MEF2D: variants seen among roughly 807,000 people sequenced by gnomAD.
MEF2D encodes myocyte-specific enhancer factor 2D.
Under a neutral mutation model 59.3 loss-of-function variants are expected in MEF2D, and 10 were observed. The ratio of observed to expected loss-of-function variants is 0.17; its 90% CI spans 0.10 to 0.29. The LOEUF (loss-of-function observed/expected upper bound fraction) is 0.29, where lower values mean the gene tolerates loss of function less well. Ranked by LOEUF, MEF2D falls within the 10% of genes least tolerant of loss-of-function variation. The pLI, the probability that MEF2D is intolerant of heterozygous loss-of-function variation, is 1.00. For synonymous variants in MEF2D, 305 were observed against 295.0 expected, an observed-to-expected ratio of 1.03 and a Z score of -0.35; for missense variants, 508 against 699.4, an observed-to-expected ratio of 0.73 and a Z score of 3.09.
In MEF2D at chr1:156,468,729, C is replaced by T. The variant is rs1007090315; in HGVS notation, c.1247+51G>A. The T allele has an allele frequency of 1.2e-5, 19 of 1,581,462 alleles. No homozygotes were observed. Among genetic ancestry groups the T allele is most frequent in the South Asian group, 1.1e-4 (10 of 87,334 alleles). On this transcript the variant is annotated intron_variant, in intron 10 of 11. Coordinates refer to ENST00000348159, the MANE Select transcript of MEF2D (RefSeq NM_005920.4). This position sits in a 1 kb window ranked among gnomAD's most constrained non-coding sequence, Gnocchi z 4.3. ...GCTCCCAAGAGGTCCCTCCTCTTCC[C>T]GTTCAATTCTCCCTTCCCACACACT...
In MEF2D at chr1:156,467,669, G is replaced by A; in HGVS notation, c.1555-13C>T. ...GTCACTTTAATGTCTGTGAAGAGAG[G>A]AGATGGAGAAGGGGGTGTGAGGGGG... On this transcript the variant is annotated splice_polypyrimidine_tract_variant and intron_variant, in intron 11 of 11. Transcript: ENST00000348159. 1 of 1,342,828 alleles carries A rather than the reference G, an allele frequency of 7.4e-7. No homozygotes were observed. The highest frequency in any genetic ancestry group is 1.5e-5 in the African/African-American group (1 of 67,176). 83.2% of individuals were successfully genotyped at this position (1,342,828 alleles called of 1,614,324 possible).
chr1:156,482,607 T>G lies in MEF2D; in HGVS notation c.88A>C (p.Lys30Gln), dbSNP rs1672095571. 1 of 1,614,108 alleles carries G rather than the reference T, an allele frequency of 6.2e-7. No individual in the cohort carries two copies. The highest frequency in any genetic ancestry group is 8.5e-7 in the Non-Finnish European group (1 of 1,180,052). Residue 30 changes from lysine to glutamine, a missense_variant, in exon 3 of 12, where the codon AAG becomes CAG. Physicochemically the swap from Lys to Gln is moderately conservative, Grantham distance 53. This residue lies in a region of MEF2D where 27 missense variants were observed against 114.8 expected (regional missense o/e 0.24). Coordinates refer to ENST00000348159, the MANE Select transcript of MEF2D (RefSeq NM_005920.4). ...TFTKRKFGLM[K>Q]KAYELSVLCD... ...AGCACGCTCAGCTCATACGCCTTCT[T>G]CATCAGGCCAAACTTCCGCTTGGTG...
intron 1 of MEF2D, among the ~76,000 whole-genome samples, chr1:156,487,330 T>C (rs113128508): frequency 6.6e-6 from 1 of 152,194 alleles, no homozygotes; most frequent in Admixed American, 6.5e-5. Context: ...CCTACCAAGG[T>C]AGCCCAAAGC....
intron 9 of MEF2D, among the ~76,000 whole-genome samples, chr1:156,471,783 A>G (rs1434378665): frequency 6.6e-6 from 1 of 152,224 alleles, no homozygotes; most frequent in Non-Finnish European, 1.5e-5. Context: ...CTAAACAGCA[A>G]TGTGTTCACT....
chr1:156,484,058 T>C (rs1248522387), intron 1 of MEF2D: 1 of 152,248 alleles, frequency 6.6e-6, no homozygotes, highest in Non-Finnish European at 1.5e-5. Context: ...CTAATCTGTT[T>C]TACTCAGTGA....
At chr1:156,494,756 G>A (rs904661113) in intron 1 of MEF2D, among the ~76,000 whole-genome samples, 1 of 152,210 alleles carries the variant, frequency 6.6e-6, no homozygotes, top group African/African-American at 2.4e-5. Flanking sequence ...CCTTTCACAG[G>A]TATGGAAACT....
At chr1:156,488,814 G>A (rs1672547995) in intron 1 of MEF2D, among the ~76,000 whole-genome samples, 1 of 152,176 alleles carries the variant, frequency 6.6e-6, no homozygotes, top group Non-Finnish European at 1.5e-5. Context: ...TAGCCTCCTT[G>A]CAGCTGCAGC....
intron 1 of MEF2D, among the ~76,000 whole-genome samples, chr1:156,492,822 G>T (rs1672892157): frequency 6.6e-6 from 1 of 152,196 alleles, no homozygotes; most frequent in Admixed American, 6.5e-5. Flanking sequence ...GGGCGGGTCA[G>T]CTTGAGAGCC....
rs1350678849 is a variant in MEF2D, at chr1:156,483,377, G to C, written c.-85C>G. 7.7e-7 allele frequency: 1 copy of C among 1,295,556 alleles called. No individual in the cohort carries two copies. Among genetic ancestry groups the C allele is most frequent in the Non-Finnish European group, 1.1e-6 (1 of 891,170 alleles). The allele number at this position is 1,295,556 out of a possible 1,614,324, so 80.3% of individuals were successfully genotyped here. ...CACACCTTACACTGTGCTCATGAACGGTCTGGGAACAGTGCTCAGTTCATG... is the reference window on the plus strand; with the variant it reads ...CACACCTTACACTGTGCTCATGAACCGTCTGGGAACAGTGCTCAGTTCATG... On this transcript the variant is annotated 5_prime_UTR_variant, in exon 2 of 12. Transcript: ENST00000348159.
At chr1:156,467,927 G>A (rs1670962487) in intron 11 of MEF2D, 66 bp downstream of exon 11, 6 of 1,536,380 alleles carry the variant, frequency 3.9e-6, no homozygotes, top group Non-Finnish European at 4.4e-6. Flanking sequence ...AACAGGTTAG[G>A]GGGCACGCGG....
chr1:156,483,219 C>T lies in MEF2D; in HGVS notation c.54+20G>A, dbSNP rs370852726. The T allele has an allele frequency of 3.0e-5, 49 of 1,613,692 alleles. No homozygotes were observed. The highest frequency in any genetic ancestry group is 3.3e-4 in the Middle Eastern group (2 of 6,082). On this transcript the variant is annotated intron_variant, in intron 2 of 11. Transcript: ENST00000348159. ...GCTCCCTGCCCTCACCCACTTCGTACGGCTCTAGGACTTCCCTACCTGTCG... is the reference window on the plus strand; with the variant it reads ...GCTCCCTGCCCTCACCCACTTCGTATGGCTCTAGGACTTCCCTACCTGTCG...
In MEF2D at chr1:156,471,319, C is replaced by T. The variant is rs563917020; in HGVS notation, c.1007-2299G>A. Among the ~76,000 whole-genome samples, 300 of 152,284 alleles carry T rather than the reference C, an allele frequency of 2.0e-3. 2 individuals carry two copies. Among genetic ancestry groups the T allele is most frequent in the African/African-American group, 6.9e-3 (285 of 41,558 alleles). ...CTAATTTTTGTATTTTTAGTAGAGA[C>T]GGGGTTTTACCACGTTGGTCAGGCT... On this transcript the variant is annotated intron_variant, in intron 9 of 11. Transcript: ENST00000348159.
chr1:156,481,984 A>C (rs1006106518), intron 3 of MEF2D, among the ~76,000 whole-genome samples: 1 of 152,254 alleles, frequency 6.6e-6, no homozygotes, highest in Non-Finnish European at 1.5e-5. Flanking sequence ...TTTGAAACAG[A>C]AAATAGAACT....
rs1239628894 is a variant in MEF2D, at chr1:156,464,235, T to TCA, written c.*3409_*3410insTG. ...TACCCCTCACCCCACCCCAGGGGAT[T>TCA]CCAAAGAGTCAGTTAAAAATATATA... On this transcript the variant is annotated 3_prime_UTR_variant, in exon 12 of 12. Transcript: ENST00000348159. 1 of 152,466 alleles carries TCA rather than the reference T, an allele frequency of 6.6e-6. No homozygotes were observed. The highest frequency in any genetic ancestry group is 1.9e-4 in the East Asian group (1 of 5,150). 9.4% of individuals were successfully genotyped at this position (152,466 alleles called of 1,614,324 possible).
chr1:156,467,970 C>T (rs200141724), intron 11 of MEF2D, 23 bp downstream of exon 11: 78 of 1,596,314 alleles, frequency 4.9e-5, no homozygotes, highest in Non-Finnish European at 6.2e-5. Flanking sequence ...CACTGGCAGA[C>T]AGGAGAGGTG....
rs114130281 is a variant in MEF2D, at chr1:156,482,302, C to G, written c.258+135G>C. The stretch of plus-strand genomic sequence containing the variant: ...GAAGGAGGGTTTGCATGTGTGTGCG[C>G]ACAGGTGAGGGGCTACAAGGGGCAT... On this transcript the variant is annotated intron_variant, in intron 3 of 11. Transcript: ENST00000348159. The G allele has an allele frequency of 2.9e-3, 2,638 of 912,886 alleles. 50 individuals are homozygous for G. The African/African-American group carries it at 0.039, about 13-fold the overall frequency. 56.5% of individuals were successfully genotyped at this position (912,886 alleles called of 1,614,324 possible). A position where few individuals can be genotyped will look rare whatever the true frequency, so the allele number is the denominator to read the frequency against.
chr1:156,488,210 G>A (rs1317921980), intron 1 of MEF2D, among the ~76,000 whole-genome samples: 4 of 152,232 alleles, frequency 2.6e-5, no homozygotes, highest in African/African-American at 9.6e-5. Context: ...GGCCTTCCTG[G>A]TGGACATGGG....
rs1036241873 is a variant in MEF2D at position 156,463,781 on chromosome 1, T to G, written c.*3864A>C. 6.6e-6 allele frequency: 1 copy of G among 152,490 alleles called. No homozygotes were observed. The highest frequency in any genetic ancestry group is 1.5e-5 in the Non-Finnish European group (1 of 68,036). 9.4% of individuals were successfully genotyped at this position (152,490 alleles called of 1,614,324 possible). ...ATAGTAAACCTCTTTACAACAAATA[T>G]AGTGAAAGAGTTTTCAAACAAAACT... On this transcript the variant is annotated 3_prime_UTR_variant, in exon 12 of 12. Transcript: ENST00000348159.
chr1:156,472,551 T>A (rs1294824069), intron 9 of MEF2D, among the ~76,000 whole-genome samples: 1 of 152,210 alleles, frequency 6.6e-6, no homozygotes, highest in East Asian at 1.9e-4. Flanking sequence ...ATTTTTCTTT[T>A]TTTTCCCTTT....
Sources: gnomAD v4.1 joint callset for allele counts (sites outside exome capture counted in the v4.1 genomes callset) on GRCh38, gnomAD v4.1.1 for gene constraint, gnomAD v4.1.1 regional missense constraint, Gnocchi (gnomAD v3.1) non-coding constraint, MANE v1.5 for transcripts, NCBI Gene and HGNC (gene_info 2026-07-23, HGNC 2026-07-21) for gene names.